Variants in KLRK1 observed in about 807,000 individuals in gnomAD.
KLRK1 encodes NKG2-D type II integral membrane protein.
KLRK1 carries 40 observed loss-of-function variants against 31.3 expected under a neutral mutation model. That is an observed-to-expected ratio of 1.28 (90% CI 0.99 to 1.67). The LOEUF is 1.67. KLRK1 is among the 40% of genes most tolerant of loss of function. The pLI, the probability that KLRK1 is intolerant of heterozygous loss-of-function variation, is 0.00. For synonymous variants in KLRK1, 77 were observed against 77.3 expected, an observed-to-expected ratio of 1.00 and a Z score of 0.02; for missense variants, 251 against 260.0, an observed-to-expected ratio of 0.97 and a Z score of 0.24.
In KLRK1 at chr12:10,373,192, G is replaced by T. The variant is rs188936062; in HGVS notation, c.573C>A (p.Leu191=). The T allele has an allele frequency of 6.2e-6, 10 of 1,611,606 alleles. No individual in the cohort carries two copies. The Admixed American group carries it at 1.7e-4, about 27-fold the overall frequency. The change falls in exon 8 of 8, where the codon CTC becomes CTA. Residue 191 remains leucine (L), a synonymous_variant. Coordinates refer to ENST00000240618, the MANE Select transcript of KLRK1 (RefSeq NM_007360.4). ...IIEMQKGDCA[L]YASSFKGYIE... ...TATAGCCTTTAAAGCTCGAGGCATAGAGTGCACAGTCTCCCTTCTGCATTT... is the reference window on the plus strand; with the variant it reads ...TATAGCCTTTAAAGCTCGAGGCATATAGTGCACAGTCTCCCTTCTGCATTT...
chr12:10,374,395 C>CTTTTTTTTTTT (rs1412379809), intron 7 of KLRK1, among the ~76,000 whole-genome samples: 1 of 93,926 alleles, frequency 1.1e-5, no homozygotes, highest in African/African-American at 4.5e-5. Context: ...TTTCCTCTCT[C>CTTTTTTTTTTT]TCTTTTTTTT....
chr12:10,379,993 A>G (rs1159867355), intron 3 of KLRK1, among the ~76,000 whole-genome samples: 1 of 150,730 alleles, frequency 6.6e-6, no homozygotes, highest in African/African-American at 2.4e-5. Flanking sequence ...ATTTCCTTCT[A>G]TACTTCTCTA....
In KLRK1 at chr12:10,386,892, A is replaced by G. The variant is rs777778235; in HGVS notation, c.148+11T>C. On this transcript the variant is annotated intron_variant, in intron 3 of 7. Transcript: ENST00000240618. ...TATACTGAGAGTAGACAAATGGAACATAGGACTTACCATTTTCTCTACATT... is the reference window on the plus strand; with the variant it reads ...TATACTGAGAGTAGACAAATGGAACGTAGGACTTACCATTTTCTCTACATT... 1 of 1,607,252 alleles carries G rather than the reference A, an allele frequency of 6.2e-7. No individual in the cohort carries two copies. The highest frequency in any genetic ancestry group is 2.2e-5 in the East Asian group (1 of 44,578).
rs1862892183 is a variant in KLRK1 at position 10,373,066 on chromosome 12, T to G, written c.*48A>C. ...TCTCAGTTGGCAGTGTTACCGCTGG[T>G]GTAATCTCTTCTCTGTTCCTGGCTT... On this transcript the variant is annotated 3_prime_UTR_variant, in exon 8 of 8. Coordinates refer to ENST00000240618, the MANE Select transcript of KLRK1 (RefSeq NM_007360.4). The G allele has an allele frequency of 1.3e-6, 2 of 1,531,508 alleles. No homozygotes were observed. Among genetic ancestry groups the G allele is most frequent in the Admixed American group, 1.7e-5 (1 of 57,512 alleles). 94.9% of individuals were successfully genotyped at this position (1,531,508 alleles called of 1,614,324 possible). A position where few individuals can be genotyped will look rare whatever the true frequency, so the allele number is the denominator to read the frequency against.
At position 10,372,878 on chromosome 12, in the gene KLRK1, A is replaced by G; in HGVS notation, c.*236T>C. ...ATCCACTCTGGGCTTGTGGTGGGAG[A>G]GGCAGCCTTGGGGATATCTGAATTG... On this transcript the variant is annotated 3_prime_UTR_variant, in exon 8 of 8. Transcript: ENST00000240618. The G allele has an allele frequency of 2.3e-6, 1 of 428,662 alleles. No homozygotes were observed. 26.6% of individuals were successfully genotyped at this position (428,662 alleles called of 1,614,324 possible).
chr12:10,380,193 G>C (rs1863047299), intron 3 of KLRK1, among the ~76,000 whole-genome samples: 1 of 150,486 alleles, frequency 6.6e-6, no homozygotes, highest in African/African-American at 2.4e-5. Context: ...ACCCTCCCGA[G>C]TAGCTGGGAC....
At chr12:10,382,083 G>A (rs1863086153) in intron 3 of KLRK1, 1 of 152,248 alleles carries the variant, frequency 6.6e-6, no homozygotes, top group Non-Finnish European at 1.5e-5. Flanking sequence ...ATCACCAGCT[G>A]ACTAAAGTGG....
intron 2 of KLRK1, 30 bp from the exon 3 acceptor site, chr12:10,387,040 G>T: frequency 6.4e-7 from 1 of 1,552,220 alleles, no homozygotes; most frequent in South Asian, 1.2e-5. Flanking sequence ...GCTTATATGA[G>T]TCATGGCCTT....
rs1224935018 is a variant in KLRK1 at position 10,378,180 on chromosome 12, G to A, written c.485C>T (p.Thr162Ile). The change falls in exon 7 of 8, where the codon ACA becomes ATA. Residue 162 changes from threonine (T) to isoleucine (I), a missense_variant. Thr to Ile is a moderately conservative substitution (Grantham distance 89, BLOSUM62 -1). Coordinates refer to ENST00000240618, the MANE Select transcript of KLRK1 (RefSeq NM_007360.4). ...ATCTTCCCACTGCCAAGATCCATTT[G>A]TTGGAATGTGTACTAGTCCCATCCA... is the stretch of plus-strand genomic sequence containing the variant. ...YHWMGLVHIPTNGSWQWEDGS... is the reference protein window; with the variant it reads ...YHWMGLVHIPINGSWQWEDGS... 6.2e-7 allele frequency: 1 copy of A among 1,614,130 alleles called. No individual in the cohort carries two copies. The highest frequency in any genetic ancestry group is 8.5e-7 in the Non-Finnish European group (1 of 1,179,992).
chr12:10,388,746 A>G, intron 2 of KLRK1, 25 bp downstream of exon 2: 3 of 1,613,196 alleles, frequency 1.9e-6, no homozygotes, highest in Non-Finnish European at 2.5e-6. Context: ...AAACAAAACT[A>G]CACACTTATG....
At chr12:10,378,845 T>C (rs1863013315) in intron 5 of KLRK1, 140 bp from the exon 6 acceptor site, 2 of 1,025,848 alleles carry the variant, frequency 1.9e-6, no homozygotes, top group Admixed American at 6.0e-5. Context: ...CAAAGGCATA[T>C]CTCTACATAT....
chr12:10,375,705 G>C (rs1862952601), intron 7 of KLRK1, among the ~76,000 whole-genome samples: 1 of 152,228 alleles, frequency 6.6e-6, no homozygotes, highest in Admixed American at 6.5e-5. Flanking sequence ...TTTCATTCCT[G>C]ATCGTTGTAG....
chr12:10,386,860 A>G (rs752026398), intron 3 of KLRK1, 43 bp downstream of exon 3: 9 of 1,488,816 alleles, frequency 6.0e-6, no homozygotes, highest in Non-Finnish European at 8.2e-6. Context: ...TCCAAGATTC[A>G]TTTCAATATA....
chr12:10,378,079 G>A, intron 7 of KLRK1, 53 bp downstream of exon 7: 1 of 1,536,460 alleles, frequency 6.5e-7, no homozygotes, highest in Non-Finnish European at 8.9e-7. Flanking sequence ...TTATTACAGG[G>A]AAAACTTAGG....
chr12:10,379,319 A>G (rs935312028), intron 5 of KLRK1, 128 bp downstream of exon 5: 7 of 423,504 alleles, frequency 1.7e-5, no homozygotes, highest in African/African-American at 1.2e-4. Context: ...AGGAAAACAG[A>G]AGCCATAGTG....
At chr12:10,377,552 T>C (rs1381270256) in intron 7 of KLRK1, among the ~76,000 whole-genome samples, 1 of 135,260 alleles carries the variant, frequency 7.4e-6, no homozygotes, top group Admixed American at 8.0e-5. Flanking sequence ...AGGACTTCAT[T>C]TATATTAAAT....
At chr12:10,377,425 T>C (rs1368801148) in intron 7 of KLRK1, among the ~76,000 whole-genome samples, 1 of 152,234 alleles carries the variant, frequency 6.6e-6, no homozygotes, top group Non-Finnish European at 1.5e-5. Flanking sequence ...TACCTAAATA[T>C]ACATCAATAA....
rs765778731 is a variant in KLRK1 at position 10,378,125 on chromosome 12, G to C, written c.533+7C>G. On this transcript the variant is annotated splice_region_variant and intron_variant, in intron 7 of 7. Transcript: ENST00000240618. ...AAAAGAAGAGACTCATTGGGTCAGAGACTTACAGGTTGGGTGAGAGAATGG... is the reference window on the plus strand; with the variant it reads ...AAAAGAAGAGACTCATTGGGTCAGACACTTACAGGTTGGGTGAGAGAATGG... 3.1e-6 allele frequency: 5 copies of C among 1,613,058 alleles called. No homozygotes were observed. The African/African-American group carries it at 4.0e-5, about 13-fold the overall frequency.
intron 4 of KLRK1, 30 bp from the exon 5 acceptor site, chr12:10,379,512 T>G (rs2255353): frequency 0.8 from 1,123,682 of 1,408,868 alleles, 450,872 homozygotes; most frequent in South Asian, 0.88. Context: ...TATTAAAAGT[T>G]TGTATTGTTA....
Sources: allele counts gnomAD v4.1 joint callset (sites outside exome capture counted in the v4.1 genomes callset), GRCh38; gene constraint gnomAD v4.1.1; transcripts MANE v1.5; gene names NCBI Gene and HGNC (gene_info 2026-07-23, HGNC 2026-07-21).